The following WWC2 variants were observed in gnomAD, a reference collection of about 807,000 sequenced individuals.
WWC2 encodes protein WWC2.
In WWC2, 101 loss-of-function variants were observed where a neutral mutation model predicts 138.5. The ratio of observed to expected loss-of-function variants is 0.73; its 90% confidence interval spans 0.62 to 0.86. The LOEUF (loss-of-function observed/expected upper bound fraction) is 0.86, where lower values mean the gene tolerates loss of function less well. Ranked by LOEUF, WWC2 falls within the 40% of genes least tolerant of loss-of-function variation. WWC2 has a pLI of 0.00. For missense variants in WWC2, 1,420 were observed against 1,419.4 expected (o/e 1.00, Z -0.01); for synonymous variants, 558 against 538.4 (o/e 1.04, Z -0.50).
intron 21 of WWC2, among the ~76,000 whole-genome samples, chr4:183,311,837 A>G (rs940709405): frequency 1.3e-5 from 2 of 151,992 alleles, no homozygotes; most frequent in Non-Finnish European, 2.9e-5. Flanking sequence ...TCGGCCTCCC[A>G]AAGTGCTGGG....
Position 183,172,832 on chromosome 4 carries a change from T to C in WWC2, c.132-20767T>C, listed in dbSNP as rs570464225. 3.9e-5 allele frequency among the ~76,000 whole-genome samples: 6 copies of C among 152,148 alleles called. No homozygotes were observed. In the South Asian group the frequency reaches 1.2e-3, roughly 32 times the overall value. ...CTTTGTTCTCTCTCTCTGGAACTCA[T>C]GCAAGTCAGATATTAGACCTCCTAG... On this transcript the variant is annotated intron_variant, in intron 1 of 22. Transcript: ENST00000403733.
chr4:183,315,931 GA>G lies in WWC2; in HGVS notation c.*208del. The G allele has an allele frequency of 2.1e-6, 1 of 483,938 alleles. No homozygotes were observed. The highest frequency in any genetic ancestry group is 3.7e-6 in the Non-Finnish European group (1 of 269,978). 30.0% of individuals were successfully genotyped at this position (483,938 alleles called of 1,614,324 possible). A position where few individuals can be genotyped will look rare whatever the true frequency, so the allele number is the denominator to read the frequency against. The stretch of plus-strand genomic sequence containing the variant: ...GTGTAATTTTTATATGCTTAAAAAA[GA>G]AAAAATCATATAAGAAAGATGGGAT... On this transcript the variant is annotated 3_prime_UTR_variant, in exon 23 of 23. Transcript: ENST00000403733.
chr4:183,173,111 C>T (rs1734341361), intron 1 of WWC2, among the ~76,000 whole-genome samples: 1 of 151,896 alleles, frequency 6.6e-6, no homozygotes, highest in Non-Finnish European at 1.5e-5. Flanking sequence ...GTGGTATAAT[C>T]ACAGCTCACT....
At chr4:183,280,517 A>G (rs544389691) in intron 16 of WWC2, among the ~76,000 whole-genome samples, 2 of 152,208 alleles carry the variant, frequency 1.3e-5, no homozygotes, top group East Asian at 3.9e-4. Context: ...AAGAGTGGCC[A>G]TGGCTCACCT....
chr4:183,238,612 A>T (rs1736507678), intron 4 of WWC2, among the ~76,000 whole-genome samples: 1 of 151,532 alleles, frequency 6.6e-6, no homozygotes, highest in Non-Finnish European at 1.5e-5. Context: ...ATACCCCCTC[A>T]CCCCGCTGTC....
intron 15 of WWC2, chr4:183,269,486 G>C: frequency 1.9e-6 from 1 of 516,722 alleles, no homozygotes; most frequent in South Asian, 1.5e-5. Flanking sequence ...CCAATGCCAA[G>C]CTTTGCGTGA....
intron 4 of WWC2, among the ~76,000 whole-genome samples, chr4:183,228,627 G>T (rs891768108): frequency 6.6e-6 from 1 of 152,062 alleles, no homozygotes; most frequent in Admixed American, 6.5e-5. Flanking sequence ...TAACAACAAA[G>T]CTGTTTCCCA....
intron 1 of WWC2, among the ~76,000 whole-genome samples, chr4:183,110,135 C>G (rs1437098450): frequency 6.6e-6 from 1 of 152,162 alleles, no homozygotes; most frequent in Non-Finnish European, 1.5e-5. Flanking sequence ...ACCCCAGTCA[C>G]TCAATAAAGT....
intron 15 of WWC2, 158 bp downstream of exon 15, chr4:183,269,321 T>C (rs1020186157): frequency 2.1e-5 from 16 of 768,706 alleles, no homozygotes; most frequent in Admixed American, 2.2e-5. Context: ...TCTGAAGTAG[T>C]GGTTTCTGTT....
At chr4:183,308,935 T>C (rs1413145115) in intron 21 of WWC2, among the ~76,000 whole-genome samples, 1 of 152,178 alleles carries the variant, frequency 6.6e-6, no homozygotes, top group Non-Finnish European at 1.5e-5. Context: ...GCTGACTATA[T>C]TCAACTGACC....
rs1344758806 is a variant in WWC2, at chr4:183,227,994, G to A, written c.523-12189G>A. Among the ~76,000 whole-genome samples, 2 of 151,800 alleles carry A rather than the reference G, an allele frequency of 1.3e-5. 1 individual carries two copies. The highest frequency in any genetic ancestry group is 4.9e-5 in the African/African-American group (2 of 41,186). On this transcript the variant is annotated intron_variant, in intron 4 of 22. Coordinates refer to ENST00000403733, the MANE Select transcript of WWC2 (RefSeq NM_024949.6). ...TCAATAATTAGAATTAAGTGTAATTGGATTAAATGCTCTAGTTAAAAATAC... is the reference window on the plus strand; with the variant it reads ...TCAATAATTAGAATTAAGTGTAATTAGATTAAATGCTCTAGTTAAAAATAC...
At chr4:183,138,521 G>A (rs1733190755) in intron 1 of WWC2, among the ~76,000 whole-genome samples, 1 of 152,144 alleles carries the variant, frequency 6.6e-6, no homozygotes, top group Admixed American at 6.5e-5. Flanking sequence ...GTTATCTATG[G>A]CTGCTTTTGT....
chr4:183,180,529 G>C (rs1734599471), intron 1 of WWC2, among the ~76,000 whole-genome samples: 1 of 152,020 alleles, frequency 6.6e-6, no homozygotes, highest in Admixed American at 6.6e-5. Flanking sequence ...GCTAGACTGG[G>C]ATGCAAACAT....
intron 5 of WWC2, among the ~76,000 whole-genome samples, chr4:183,241,226 A>G (rs1294172527): frequency 1.3e-5 from 2 of 152,206 alleles, no homozygotes; most frequent in African/African-American, 4.8e-5. Context: ...AGGAATGCCA[A>G]GCTGGTCTCA....
chr4:183,265,203 T>C (rs1737462727), intron 12 of WWC2, 96 bp downstream of exon 12: 1 of 1,443,454 alleles, frequency 6.9e-7, no homozygotes, highest in Non-Finnish European at 9.2e-7. Context: ...ATTAGTCCGC[T>C]CTTTGGCTTA....
rs1218077423 is a variant in WWC2 at position 183,267,997 on chromosome 4, C to A, written c.2208-974C>A. Among the ~76,000 whole-genome samples the A allele has an allele frequency of 3.3e-5, 5 of 152,276 alleles. No homozygotes were observed. The East Asian group carries it at 9.6e-4, about 29-fold the overall frequency. ...TGCTGAATCTTCGGCCTCCCAGGGA[C>A]AGTGAGCTGTGTCTTAGTAAGGCTC... On this transcript the variant is annotated intron_variant, in intron 14 of 22. Transcript: ENST00000403733.
Position 183,193,605 on chromosome 4 carries a change from G to A in WWC2, c.138G>A (p.Thr46=), listed in dbSNP as rs748213423. ...TSWIDPRDRL[T]KPLSFADCVG... is the part of the protein sequence containing the mutation. The stretch of plus-strand genomic sequence containing the variant: ...CAATTCTGGTTTGTTGTAGGTTAAC[G>A]AAGCCCTTGTCATTTGCTGATTGTG... The change falls in exon 2 of 23, where the codon ACG becomes ACA. Residue 46 remains threonine (T), a synonymous_variant. Coordinates refer to ENST00000403733, the MANE Select transcript of WWC2 (RefSeq NM_024949.6). 22 of 1,613,630 alleles carry A rather than the reference G, an allele frequency of 1.4e-5. No individual in the cohort carries two copies. Among genetic ancestry groups the A allele is most frequent in the South Asian group, 4.4e-5 (4 of 91,032 alleles).
At position 183,249,014 on chromosome 4, in the gene WWC2, A is replaced by C. The variant is rs531336409; in HGVS notation, c.879+154A>C. ...TTTCGTAAGATTAGTTTTAAAAATC[A>C]TAGCCTTATCTTTTCTATCTAGGTG... On this transcript the variant is annotated intron_variant, in intron 7 of 22. Transcript: ENST00000403733. Among the ~76,000 whole-genome samples, 5 of 152,178 alleles carry C rather than the reference A, an allele frequency of 3.3e-5. No individual in the cohort carries two copies. The South Asian group carries it at 1.0e-3, about 32-fold the overall frequency.
intron 4 of WWC2, among the ~76,000 whole-genome samples, chr4:183,213,147 CTG>C (rs1341257479): frequency 6.6e-6 from 1 of 152,208 alleles, no homozygotes; most frequent in Admixed American, 6.5e-5. Context: ...TCCTCACAGA[CTG>C]TGTTGCTGTT....
Sources: gnomAD v4.1 joint callset for allele counts (sites outside exome capture counted in the v4.1 genomes callset) on GRCh38, gnomAD v4.1.1 for gene constraint, MANE v1.5 for transcripts, NCBI Gene and HGNC (gene_info 2026-07-23, HGNC 2026-07-21) for gene names.